Variants in ACSM3 observed in about 807,000 individuals in gnomAD.
ACSM3 encodes acyl-CoA synthetase medium chain family member 3, also known as acyl-coenzyme A synthetase ACSM3, mitochondrial.
ACSM3 carries 61 observed loss-of-function variants against 74.1 expected under a neutral mutation model. The ratio of observed to expected loss-of-function variants is 0.82; its 90% CI spans 0.67 to 1.02. The LOEUF (loss-of-function observed/expected upper bound fraction) is 1.02. ACSM3 is among the 50% of genes least tolerant of loss of function. The pLI is 0.00. For missense variants in ACSM3, 660 were observed against 697.0 expected (o/e 0.95, Z 0.60); for synonymous variants, 213 against 241.5 (o/e 0.88, Z 1.09).
intron 1 of ACSM3, among the ~76,000 whole-genome samples, chr16:20,694,309 C>T (rs2079678433): frequency 6.6e-6 from 1 of 152,206 alleles, no homozygotes; most frequent in Non-Finnish European, 1.5e-5. Flanking sequence ...TATGTACTCT[C>T]CTGGCAAAAC....
intron 1 of ACSM3, 88 bp from the exon 2 acceptor site, chr16:20,769,896 T>C: frequency 1.4e-6 from 1 of 702,760 alleles, no homozygotes; most frequent in South Asian, 1.8e-5. Flanking sequence ...ATGATGATTA[T>C]CAATACTAAT....
At chr16:20,749,971 C>T (rs1422414583) in exon 2 of ACSM3, 1 of 152,252 alleles carries the variant, frequency 6.6e-6, no homozygotes, top group East Asian at 1.9e-4. Flanking sequence ...CCTAGAAGTA[C>T]AGGTCAAGCC....
chr16:20,760,999 T>C (rs1391805303), upstream of ACSM3, among the ~76,000 whole-genome samples: 2 of 152,202 alleles, frequency 1.3e-5, no homozygotes, highest in East Asian at 1.9e-4. Flanking sequence ...TTTCAACCAA[T>C]TGCCAATCAG....
chr16:20,722,928 A>G (rs2079790865), intron 1 of ACSM3, among the ~76,000 whole-genome samples: 1 of 152,152 alleles, frequency 6.6e-6, no homozygotes, highest in African/African-American at 2.4e-5. Context: ...TTTAGGGTAC[A>G]TGTGCACAAC....
intron 1 of ACSM3, among the ~76,000 whole-genome samples, chr16:20,727,676 C>T (rs1286114437): frequency 6.6e-6 from 1 of 152,158 alleles, no homozygotes; most frequent in Non-Finnish European, 1.5e-5. Flanking sequence ...TCATTCCTGC[C>T]TCCCCCTCAT....
intron 1 of ACSM3, chr16:20,729,482 A>G: frequency 1.5e-6 from 1 of 653,624 alleles, no homozygotes; most frequent in Non-Finnish European, 2.8e-6. Context: ...TGAAGTGGAG[A>G]GTGTGCTTGC....
chr16:20,759,862 G>C (rs535274938), upstream of ACSM3, among the ~76,000 whole-genome samples: 1 of 152,054 alleles, frequency 6.6e-6, no homozygotes, highest in South Asian at 2.1e-4. Flanking sequence ...CACTTGAAGT[G>C]GGGGGCAGTC....
intron 1 of ACSM3, among the ~76,000 whole-genome samples, chr16:20,723,345 C>G (rs1420380042): frequency 2.0e-5 from 3 of 152,090 alleles, no homozygotes; most frequent in African/African-American, 7.2e-5. Context: ...AATAAACATA[C>G]GTGTGCATGT....
intron 1 of ACSM3, among the ~76,000 whole-genome samples, chr16:20,720,579 C>A (rs1407767819): frequency 6.6e-6 from 1 of 152,194 alleles, no homozygotes; most frequent in South Asian, 2.1e-4. Flanking sequence ...TGGACAGGAA[C>A]CGGTCTGTGG....
intron 1 of ACSM3, chr16:20,737,326 C>A (rs765138496): frequency 1.3e-5 from 20 of 1,548,620 alleles, no homozygotes; most frequent in Middle Eastern, 1.7e-4. Context: ...GAGGAGGATA[C>A]CATTACATCT....
At chr16:20,717,987 G>GAAC (rs2079770570) in intron 1 of ACSM3, among the ~76,000 whole-genome samples, 1 of 141,358 alleles carries the variant, frequency 7.1e-6, no homozygotes, top group South Asian at 2.3e-4. Context: ...AGAAGAAGAA[G>GAAC]AAGAAGAAGA....
At chr16:20,795,500 G>T (rs1304293828) in intron 12 of ACSM3, among the ~76,000 whole-genome samples, 1 of 152,220 alleles carries the variant, frequency 6.6e-6, no homozygotes, top group Non-Finnish European at 1.5e-5. Flanking sequence ...TTTACTCCCA[G>T]ATCAAAGTGG....
chr16:20,792,143 C>T lies in ACSM3; in HGVS notation c.1454+14C>T. 3.7e-6 allele frequency: 6 copies of T among 1,614,048 alleles called. No individual in the cohort carries two copies. The highest frequency in any genetic ancestry group is 4.2e-6 in the Non-Finnish European group (5 of 1,179,966). On this transcript the variant is annotated intron_variant, in intron 11 of 13. Coordinates refer to ENST00000289416, the MANE Select transcript of ACSM3 (RefSeq NM_005622.4). ...ATTATCCTCTGGGTAACTTTCTTTT[C>T]CATATGTGCATATGTCTGTGTTAAC...
At chr16:20,795,693 G>A (rs555197295) in intron 12 of ACSM3, among the ~76,000 whole-genome samples, 3 of 152,304 alleles carry the variant, frequency 2.0e-5, no homozygotes, top group African/African-American at 7.2e-5. Flanking sequence ...GGCGTTGGAG[G>A]TACATACTAG....
chr16:20,678,120 C>T (rs2079349607), intron 1 of ACSM3, among the ~76,000 whole-genome samples: 1 of 152,040 alleles, frequency 6.6e-6, no homozygotes, highest in South Asian at 2.1e-4. Flanking sequence ...CCAGAGATTC[C>T]CCTTCTGTAG....
intron 1 of ACSM3, among the ~76,000 whole-genome samples, chr16:20,698,585 T>A (rs1337928089): frequency 6.6e-6 from 1 of 152,154 alleles, no homozygotes; most frequent in Non-Finnish European, 1.5e-5. Flanking sequence ...CTTGGCTCAC[T>A]GCAACCTCCG....
intron 1 of ACSM3, among the ~76,000 whole-genome samples, chr16:20,705,368 G>A (rs1476139701): frequency 1.5e-4 from 18 of 123,460 alleles, no homozygotes; most frequent in East Asian, 3.3e-4. Flanking sequence ...GCGAGACTCC[G>A]TCTCAGAAAA....
chr16:20,790,794 T>G lies in ACSM3; in HGVS notation c.1326+106T>G. On this transcript the variant is annotated intron_variant, in intron 10 of 13. Coordinates refer to ENST00000289416, the MANE Select transcript of ACSM3 (RefSeq NM_005622.4). The surrounding 1 kb of genome is among the most constrained non-coding windows in gnomAD (Gnocchi z 4.0). Reference sequence around the variant, plus strand: ...CCTAGGATAGGTACTTGACCCTTTCTTGAGAGATTGGTTGTCCTGAATAGT... The same window carrying G: ...CCTAGGATAGGTACTTGACCCTTTCGTGAGAGATTGGTTGTCCTGAATAGT... 5.6e-6 allele frequency: 9 copies of G among 1,613,402 alleles called. No individual in the cohort carries two copies. Among genetic ancestry groups the G allele is most frequent in the Admixed American group, 1.7e-5 (1 of 59,934 alleles).
intron 1 of ACSM3, among the ~76,000 whole-genome samples, chr16:20,690,091 C>T (rs1443899631): frequency 6.6e-6 from 1 of 152,092 alleles, no homozygotes; most frequent in Non-Finnish European, 1.5e-5. Context: ...TATGCAAATT[C>T]AGAGAAAAGA....
Sources: allele counts gnomAD v4.1 joint callset (sites outside exome capture counted in the v4.1 genomes callset), GRCh38; gene constraint gnomAD v4.1.1; non-coding constraint Gnocchi (gnomAD v3.1); transcripts MANE v1.5; gene names NCBI Gene and HGNC (gene_info 2026-07-23, HGNC 2026-07-21).